MIB1: variants seen among roughly 807,000 people sequenced by gnomAD.
MIB1 encodes MIB E3 ubiquitin protein ligase 1.
Under a neutral mutation model 124.5 loss-of-function variants are expected in MIB1, and 278 were observed. That is an observed-to-expected ratio of 2.23 (90% CI 2.02 to 2.47). The LOEUF is 2.47. Ranked by LOEUF, MIB1 falls within the 30% of genes most tolerant of loss-of-function variation. The pLI is 0.00. For synonymous variants in MIB1, 446 were observed against 429.4 expected (o/e 1.04, Z -0.48); for missense variants, 957 against 1,254.4 (o/e 0.76, Z 3.58).
intron 14 of MIB1, 48 bp downstream of exon 14, chr18:21,843,265 C>T (rs111914717): frequency 3.7e-6 from 5 of 1,350,454 alleles, no homozygotes; most frequent in African/African-American, 1.5e-5. Context: ...TTTAACCATA[C>T]AGATTTTTAG....
intron 14 of MIB1, 97 bp from the exon 15 acceptor site, chr18:21,843,995 T>C: frequency 9.0e-7 from 1 of 1,107,984 alleles, no homozygotes; most frequent in Non-Finnish European, 1.2e-6. Flanking sequence ...GGTAACTTCT[T>C]CAGTAGGTCC....
At chr18:21,822,201 T>A (rs1325008730) in intron 12 of MIB1, among the ~76,000 whole-genome samples, 1 of 152,222 alleles carries the variant, frequency 6.6e-6, no homozygotes, top group Non-Finnish European at 1.5e-5. Context: ...TTGAGAGAAT[T>A]TAGGATTTAT....
chr18:21,819,563 T>G lies in MIB1; in HGVS notation c.1746T>G (p.Leu582=). 6.2e-7 allele frequency: 1 copy of G among 1,611,976 alleles called. No individual in the cohort carries two copies. Among genetic ancestry groups the G allele is most frequent in the Non-Finnish European group, 8.5e-7 (1 of 1,178,366 alleles). The change falls in exon 12 of 21, where the codon CTT becomes CTG. Residue 582 remains leucine, a synonymous_variant. Transcript: ENST00000261537. ...AACGTGATGATATCCTAGCAGTTCT[T>G]TTGGAAGCTGGAGCAGATGTTACCA... The part of the protein sequence containing the change: ...SKKRDDILAV[L]LEAGADVTIT...
chr18:21,759,953 A>C (rs1208459816), intron 1 of MIB1, among the ~76,000 whole-genome samples: 2 of 152,218 alleles, frequency 1.3e-5, no homozygotes, highest in Admixed American at 6.5e-5. Context: ...TACTTCAGCT[A>C]TACAAATTCT....
chr18:21,773,675 G>A lies in MIB1; in HGVS notation c.583G>A (p.Val195Ile), dbSNP rs1367284712. ...SASSPHSAAY[V>I]LWDNGAKNLY... ...ATCAAGCCCACATAGCGCAGCATAT[G>A]TCCTCTGGGATAATGGTGCTAAGAA... The change falls in exon 4 of 21, where the codon GTC becomes ATC. Residue 195 changes from valine to isoleucine, a missense_variant. Transcript: ENST00000261537. 1.2e-6 allele frequency: 2 copies of A among 1,609,362 alleles called. No homozygotes were observed. Among genetic ancestry groups the A allele is most frequent in the South Asian group, 2.2e-5 (2 of 90,100 alleles).
chr18:21,803,902 T>G lies in MIB1; in HGVS notation c.1372-5T>G. On this transcript the variant is annotated splice_region_variant and splice_polypyrimidine_tract_variant and intron_variant, in intron 9 of 20. Transcript: ENST00000261537. The stretch of plus-strand genomic sequence containing the variant: ...TTCTTTCATTCTTTTTTTTAAAAAA[T>G]GTAGGTAAATGGGCAATGTGCTGGC... The G allele has an allele frequency of 1.9e-6, 3 of 1,604,136 alleles. No homozygotes were observed. Among genetic ancestry groups the G allele is most frequent in the South Asian group, 1.1e-5 (1 of 90,758 alleles).
chr18:21,830,170 A>G (rs1483520466), intron 12 of MIB1, among the ~76,000 whole-genome samples: 1 of 103,140 alleles, frequency 9.7e-6, no homozygotes, highest in Non-Finnish European at 2.7e-5. Context: ...GCAATGCAGC[A>G]TTAGAATTAC....
chr18:21,718,895 A>G (rs933383071), intron 1 of MIB1, among the ~76,000 whole-genome samples: 5 of 152,158 alleles, frequency 3.3e-5, no homozygotes, highest in Non-Finnish European at 7.3e-5. Context: ...CTACAAAAAC[A>G]ATTTTAAAAA....
At chr18:21,749,134 C>T (rs968219368) in intron 1 of MIB1, among the ~76,000 whole-genome samples, 2 of 151,992 alleles carry the variant, frequency 1.3e-5, no homozygotes, top group African/African-American at 2.4e-5. Flanking sequence ...CGTGTGTTTT[C>T]TGTATTCCTT....
At chr18:21,844,923 G>A (rs993250114) in intron 15 of MIB1, among the ~76,000 whole-genome samples, 1 of 151,910 alleles carries the variant, frequency 6.6e-6, no homozygotes, top group African/African-American at 2.4e-5. Context: ...TTACTACTGA[G>A]TTTTGAGAGT....
At chr18:21,754,365 G>T (rs1363738517) in intron 1 of MIB1, among the ~76,000 whole-genome samples, 3 of 152,154 alleles carry the variant, frequency 2.0e-5, no homozygotes, top group Admixed American at 6.5e-5. Flanking sequence ...ATTTTAAATT[G>T]CATACTATTC....
rs1256052342 is a variant in MIB1, at chr18:21,865,950, CT to C, written c.*1288del. 1 of 151,866 alleles carries C rather than the reference CT, an allele frequency of 6.6e-6. No homozygotes were observed. Among genetic ancestry groups the C allele is most frequent in the East Asian group, 1.9e-4 (1 of 5,188 alleles). The allele number at this position is 151,866 out of a possible 1,614,324, so 9.4% of individuals were successfully genotyped here. On this transcript the variant is annotated 3_prime_UTR_variant, in exon 21 of 21. Transcript: ENST00000261537. ...GGAGCATTTAATCATTTTTTTTCTC[CT>C]TTTATCTCCTTTGTAATCTTATTGT... is the stretch of plus-strand genomic sequence containing the variant.
rs371745725 is a variant in MIB1 at position 21,853,247 on chromosome 18, A to G, written c.2665+29A>G. On this transcript the variant is annotated intron_variant, in intron 18 of 20. Coordinates refer to ENST00000261537, the MANE Select transcript of MIB1 (RefSeq NM_020774.4). ...AGTAGCCTATGCAGAGTTCCTCAATATTATTATAAAAATAGAAAGTGAAAC... is the reference window on the plus strand; with the variant it reads ...AGTAGCCTATGCAGAGTTCCTCAATGTTATTATAAAAATAGAAAGTGAAAC... 3.0e-5 allele frequency: 43 copies of G among 1,453,374 alleles called. No homozygotes were observed. In the South Asian group the frequency reaches 4.9e-4, roughly 16 times the overall value. The allele number at this position is 1,453,374 out of a possible 1,614,324, so 90.0% of individuals were successfully genotyped here.
chr18:21,843,919 C>G (rs2042112795), intron 14 of MIB1, among the ~76,000 whole-genome samples, 173 bp from the exon 15 acceptor site: 1 of 152,098 alleles, frequency 6.6e-6, no homozygotes, highest in Non-Finnish European at 1.5e-5. Context: ...ACACGTGACT[C>G]TTTGTAAGGA....
rs564590657 is a variant in MIB1, at chr18:21,742,647, C to T, written c.229+835C>T. ...AGTTTCTAAATGATTAAACCAAAGGCTTGCTTTCACAAAATAAATAACAAA... is the reference window on the plus strand; with the variant it reads ...AGTTTCTAAATGATTAAACCAAAGGTTTGCTTTCACAAAATAAATAACAAA... On this transcript the variant is annotated intron_variant, in intron 1 of 20. Coordinates refer to ENST00000261537, the MANE Select transcript of MIB1 (RefSeq NM_020774.4). 5.3e-5 allele frequency among the ~76,000 whole-genome samples: 8 copies of T among 152,274 alleles called. No individual in the cohort carries two copies. In the South Asian group the frequency reaches 1.7e-3, roughly 32 times the overall value.
intron 8 of MIB1, among the ~76,000 whole-genome samples, chr18:21,798,661 G>C (rs2041614062): frequency 6.6e-6 from 1 of 151,250 alleles, no homozygotes; most frequent in Admixed American, 6.6e-5. Context: ...TTACATATCA[G>C]TTATTTTTTC....
intron 9 of MIB1, among the ~76,000 whole-genome samples, chr18:21,802,708 G>C (rs1458590292): frequency 6.6e-6 from 1 of 152,062 alleles, no homozygotes; most frequent in Non-Finnish European, 1.5e-5. Flanking sequence ...TTCTATAAGA[G>C]GGGACAAATC....
At chr18:21,862,794 C>T (rs1297012320) in intron 20 of MIB1, among the ~76,000 whole-genome samples, 4 of 152,148 alleles carry the variant, frequency 2.6e-5, no homozygotes, top group Non-Finnish European at 5.9e-5. Flanking sequence ...CCTATCTAAG[C>T]ATAGTGCCTG....
chr18:21,787,995 A>T (rs1256661488), intron 6 of MIB1, among the ~76,000 whole-genome samples: 1 of 151,988 alleles, frequency 6.6e-6, no homozygotes, highest in African/African-American at 2.4e-5. Context: ...ATAAATACTG[A>T]GTTTATATGA....
Sources: allele counts gnomAD v4.1 joint callset (sites outside exome capture counted in the v4.1 genomes callset), GRCh38; gene constraint gnomAD v4.1.1; transcripts MANE v1.5; gene names NCBI Gene and HGNC (gene_info 2026-07-23, HGNC 2026-07-21).